Variants in PDE4DIP observed in about 807,000 individuals in gnomAD.
PDE4DIP encodes the protein phosphodiesterase 4D interacting protein.
PDE4DIP carries 59 observed loss-of-function variants against 221.4 expected under a neutral mutation model. The ratio of observed to expected loss-of-function variants is 0.27; its 90% CI spans 0.22 to 0.33. PDE4DIP has a LOEUF of 0.33. Among genes scored for constraint, PDE4DIP ranks in the 10% least tolerant of loss-of-function variants. The probability of loss-of-function intolerance (pLI) is 1.00; values close to 1 mark genes in which losing one functional copy is unlikely to be tolerated. For synonymous variants in PDE4DIP, 404 were observed against 815.9 expected (o/e 0.50, Z 8.60); for missense variants, 1,036 against 2,154.2 (o/e 0.48, Z 10.28).
chr1:148,950,745 C>G (rs1395661622), intron 5 of PDE4DIP, among the ~76,000 whole-genome samples: 1 of 151,240 alleles, frequency 6.6e-6, no homozygotes, highest in East Asian at 1.9e-4. Context: ...AGGGATCTGC[C>G]CCCCCCACCG....
chr1:148,937,607 A>C (rs587626806), intron 4 of PDE4DIP, 140 bp from the exon 8 acceptor site: 5 of 583,956 alleles, frequency 8.6e-6, no homozygotes, highest in Non-Finnish European at 1.5e-5. Context: ...TTTTCTAAAC[A>C]AATGTGTCAA....
chr1:149,028,760 G>C, intron 41 of PDE4DIP, 57 bp downstream of exon 44: 1 of 968,054 alleles, frequency 1.0e-6, no homozygotes, highest in South Asian at 1.5e-5. Context: ...CTCCAATACT[G>C]TTCTGTCTCC....
At chr1:148,979,153 C>T (rs1478269544) in intron 19 of PDE4DIP, among the ~76,000 whole-genome samples, 1 of 152,120 alleles carries the variant, frequency 6.6e-6, no homozygotes, top group African/African-American at 2.4e-5. Flanking sequence ...CTTGCCTGTA[C>T]TCCCTGTCTC....
At chr1:148,998,054 GTTCTCAT>G (rs2064719781) in intron 22 of PDE4DIP, 82 bp from the exon 26 acceptor site, 1 of 744,392 alleles carries the variant, frequency 1.3e-6, no homozygotes, top group Non-Finnish European at 2.2e-6. Context: ...GTTTGTTTTT[GTTCTCAT>G]TTAAAACTGC....
intron 6 of PDE4DIP, among the ~76,000 whole-genome samples, chr1:148,961,186 T>C (rs587763183): frequency 0.018 from 2,716 of 152,206 alleles, 81 homozygotes; most frequent in African/African-American, 0.062. Context: ...CAGACACCTG[T>C]AATCCCACCT....
intron 17 of PDE4DIP, among the ~76,000 whole-genome samples, chr1:148,976,166 G>A (rs1408036476): frequency 6.6e-6 from 1 of 152,122 alleles, no homozygotes; most frequent in East Asian, 1.9e-4. Context: ...TTTTGGTTCT[G>A]TCCTGTTTTC....
At chr1:148,976,271 C>A (rs2152098049) in intron 17 of PDE4DIP, among the ~76,000 whole-genome samples, 1 of 152,230 alleles carries the variant, frequency 6.6e-6, no homozygotes, top group East Asian at 1.9e-4. Context: ...AATAACTTGT[C>A]TTACCATAAA....
intron 20 of PDE4DIP, among the ~76,000 whole-genome samples, chr1:148,980,616 T>A (rs2060924949): frequency 6.6e-6 from 1 of 152,210 alleles, no homozygotes; most frequent in African/African-American, 2.4e-5. Flanking sequence ...CCTTCCCTAC[T>A]AGCCCCTTTT....
chr1:148,935,304 CAG>C (rs1573770216), intron 4 of PDE4DIP, among the ~76,000 whole-genome samples: 1 of 147,748 alleles, frequency 6.8e-6, no homozygotes. Flanking sequence ...TATATACAAA[CAG>C]AGAATATGCC....
At position 148,910,890 on chromosome 1, in the gene PDE4DIP, G is replaced by C. The variant is rs1432250671; in HGVS notation, c.142-18307G>C. Among the ~76,000 whole-genome samples the C allele has an allele frequency of 1.5e-4, 16 of 105,316 alleles. 7 individuals carry two copies. In the East Asian group the frequency reaches 7.7e-3, roughly 51 times the overall value. The allele number at this position is 105,316 out of a possible 152,430, so 69.1% of individuals were successfully genotyped here. ...TGGTGATTTCTCAAAGAATTTAAAA[G>C]AGAACTACCATTTGACCCAGGAATC... On this transcript the variant is annotated intron_variant, in intron 1 of 43. Transcript: ENST00000369354.
At chr1:148,985,758 A>G (rs1490872834) in intron 21 of PDE4DIP, 1 of 152,152 alleles carries the variant, frequency 6.6e-6, no homozygotes, top group Non-Finnish European at 1.5e-5. Flanking sequence ...AATCTTTATC[A>G]TACTGTTTTC....
chr1:148,820,643 T>C (rs1668875214), intron 1 of PDE4DIP, among the ~76,000 whole-genome samples: 2 of 148,380 alleles, frequency 1.3e-5, no homozygotes, highest in African/African-American at 5.0e-5. Flanking sequence ...CAGACTTTTG[T>C]TTTGTTTTGG....
intron 37 of PDE4DIP, among the ~76,000 whole-genome samples, chr1:149,023,507 G>A (rs1433087699): frequency 6.8e-6 from 1 of 147,180 alleles, no homozygotes; most frequent in Non-Finnish European, 1.5e-5. Context: ...CAAAGAAATA[G>A]CCATGTGGTG....
At chr1:148,866,618 G>A (rs1192716846) in intron 2 of PDE4DIP, 1 of 40,660 alleles carries the variant, frequency 2.5e-5, no homozygotes, top group African/African-American at 1.1e-4. Flanking sequence ...GGGAGGGAGG[G>A]AGGGAGGGAG....
At chr1:149,032,261 A>G (rs1361108641) in exon 44 of PDE4DIP, 8 of 605,802 alleles carry the variant, frequency 1.3e-5, no homozygotes, top group African/African-American at 1.1e-4. Context: ...TAGTTTGCAC[A>G]GAAGGTTTTG....
At chr1:149,009,779 C>A in exon 30 of PDE4DIP, 1 of 1,600,702 alleles carries the variant, frequency 6.2e-7, no homozygotes, top group Non-Finnish European at 8.6e-7. Flanking sequence ...GAAAGCTTCT[C>A]CCAGTCACTC....
At chr1:148,987,650 A>G (rs1311855995) in intron 21 of PDE4DIP, among the ~76,000 whole-genome samples, 1 of 152,236 alleles carries the variant, frequency 6.6e-6, no homozygotes, top group African/African-American at 2.4e-5. Context: ...CTAAGTAACT[A>G]TATGGAAAAA....
Position 149,024,513 on chromosome 1 carries a change from C to T in PDE4DIP, c.6154C>T (p.Arg2052Ter), listed in dbSNP as rs374884458. ...CCTGAGCCACCTGGTGGCAGAGGTA[C>T]GAGCTCTGAGAGGGCAGCTGGAGCA... Residue 2052 changes from arginine to a stop codon, truncating the protein, a stop_gained, in exon 38 of 44, where the codon CGA becomes TGA. Coordinates refer to ENST00000369354, the Ensembl canonical transcript of PDE4DIP. LOFTEE classifies it high-confidence loss of function. 1.1e-5 allele frequency: 11 copies of T among 1,000,868 alleles called. No homozygotes were observed. The highest frequency in any genetic ancestry group is 3.0e-5 in the South Asian group (2 of 66,154). 62.0% of individuals were successfully genotyped at this position (1,000,868 alleles called of 1,614,324 possible).
At chr1:148,893,093 GTGTGTGTGTA>G (rs1699311059) in intron 1 of PDE4DIP, among the ~76,000 whole-genome samples, 2 of 132,108 alleles carry the variant, frequency 1.5e-5, no homozygotes, top group East Asian at 4.7e-4. Flanking sequence ...GTGTGTGTGT[GTGTGTGTGTA>G]TGTATTTTTT....
Sources: gnomAD v4.1 joint callset for allele counts (sites outside exome capture counted in the v4.1 genomes callset) on GRCh38, gnomAD v4.1.1 for gene constraint, MANE v1.5 for transcripts, NCBI Gene and HGNC (gene_info 2026-07-23, HGNC 2026-07-21) for gene names.